The following SRPK2 variants were observed in gnomAD, a reference collection of about 807,000 sequenced individuals.
SRPK2 encodes SFRS protein kinase 2.
SRPK2 carries 21 observed loss-of-function variants against 90.8 expected under a neutral mutation model. The observed-to-expected ratio is 0.23, with a 90% CI of 0.16 to 0.33. The LOEUF (loss-of-function observed/expected upper bound fraction) is 0.33. Ranked by LOEUF, SRPK2 falls within the 10% of genes least tolerant of loss-of-function variation. The pLI is 1.00. For synonymous variants in SRPK2, 288 were observed against 311.1 expected (o/e 0.93, Z 0.78); for missense variants, 620 against 869.0 (o/e 0.71, Z 3.60).
chr7:105,388,471 C>A (rs1391000506), intron 2 of SRPK2, among the ~76,000 whole-genome samples, 177 bp downstream of exon 2: 1 of 147,356 alleles, frequency 6.8e-6, no homozygotes, highest in South Asian at 2.1e-4. Context: ...GCGCGCCCCT[C>A]CCCCGCCGCC....
intron 2 of SRPK2, among the ~76,000 whole-genome samples, chr7:105,251,392 C>T (rs1585364562): frequency 6.6e-6 from 1 of 150,546 alleles, no homozygotes; most frequent in South Asian, 2.1e-4. Flanking sequence ...TTTTTAGAGA[C>T]AGGGTCTCAC....
At chr7:105,300,455 G>A (rs1192993082) in intron 2 of SRPK2, among the ~76,000 whole-genome samples, 4 of 152,088 alleles carry the variant, frequency 2.6e-5, no homozygotes, top group Non-Finnish European at 4.4e-5. Context: ...ATAGCCACAG[G>A]AGGAATGTAT....
At chr7:105,155,083 T>G (rs1011209653) in intron 7 of SRPK2, among the ~76,000 whole-genome samples, 1 of 150,992 alleles carries the variant, frequency 6.6e-6, no homozygotes, top group Non-Finnish European at 1.5e-5. Context: ...CAAGTCCAAG[T>G]GATTCTCTTG....
chr7:105,287,178 G>A (rs371087569), intron 2 of SRPK2, among the ~76,000 whole-genome samples: 11 of 146,140 alleles, frequency 7.5e-5, no homozygotes, highest in Admixed American at 2.1e-4. Flanking sequence ...GGAGAATGGC[G>A]TGAACCCGGG....
chr7:105,257,796 ATTTAT>A (rs1404696372), intron 2 of SRPK2, among the ~76,000 whole-genome samples: 1 of 152,122 alleles, frequency 6.6e-6, no homozygotes, highest in Non-Finnish European at 1.5e-5. Flanking sequence ...AAGGTTTTAC[ATTTAT>A]TTTAAGAAAT....
chr7:105,344,138 A>G (rs1816164441), intron 2 of SRPK2, among the ~76,000 whole-genome samples: 1 of 152,150 alleles, frequency 6.6e-6, no homozygotes, highest in Admixed American at 6.6e-5. Context: ...CAAAAAGGAA[A>G]ATGGTGAACC....
chr7:105,224,940 G>A (rs1300676901), intron 2 of SRPK2, among the ~76,000 whole-genome samples: 5 of 152,146 alleles, frequency 3.3e-5, no homozygotes, highest in African/African-American at 1.2e-4. Flanking sequence ...TAAAAAAGAC[G>A]TTAAAATATT....
intron 7 of SRPK2, among the ~76,000 whole-genome samples, chr7:105,155,826 C>T (rs1465355019): frequency 2.6e-5 from 4 of 152,178 alleles, no homozygotes; most frequent in African/African-American, 4.8e-5. Flanking sequence ...AGATAAAAAA[C>T]GGAAAGGTGC....
intron 2 of SRPK2, among the ~76,000 whole-genome samples, chr7:105,285,803 C>T (rs1006980244): frequency 6.6e-6 from 1 of 152,188 alleles, no homozygotes; most frequent in Non-Finnish European, 1.5e-5. Flanking sequence ...GAAGCAGATG[C>T]TGGACCCATG....
chr7:105,163,760 G>T, intron 6 of SRPK2, among the ~76,000 whole-genome samples: 1 of 152,168 alleles, frequency 6.6e-6, no homozygotes, highest in East Asian at 1.9e-4. Flanking sequence ...GTGCTGAGCC[G>T]TGACTGCACC....
intron 2 of SRPK2, among the ~76,000 whole-genome samples, chr7:105,338,773 ACT>A (rs1296109039): frequency 6.6e-6 from 1 of 152,114 alleles, no homozygotes; most frequent in African/African-American, 2.4e-5. Flanking sequence ...GAAATATTTC[ACT>A]TTTTTCCTGT....
chr7:105,280,714 G>T (rs532512693), intron 2 of SRPK2, among the ~76,000 whole-genome samples: 1 of 150,492 alleles, frequency 6.6e-6, no homozygotes, highest in African/African-American at 2.5e-5. Flanking sequence ...TTGGGAGGCC[G>T]AGGCGGGTGG....
At chr7:105,368,977 A>C (rs1819394923) in intron 2 of SRPK2, among the ~76,000 whole-genome samples, 1 of 151,674 alleles carries the variant, frequency 6.6e-6, no homozygotes, top group African/African-American at 2.4e-5. Flanking sequence ...ATGGACTTCA[A>C]ACTGTGTTCT....
chr7:105,204,805 CG>C, intron 2 of SRPK2: 1 of 518,700 alleles, frequency 1.9e-6, no homozygotes, highest in Non-Finnish European at 3.8e-6. Flanking sequence ...ACCCAGCATG[CG>C]CCCTATTTTA....
chr7:105,362,660 T>C (rs897633686), intron 2 of SRPK2, among the ~76,000 whole-genome samples: 19 of 151,810 alleles, frequency 1.3e-4, no homozygotes, highest in African/African-American at 3.6e-4. Context: ...GATCTAGAAA[T>C]AGAAATACCA....
intron 2 of SRPK2, among the ~76,000 whole-genome samples, chr7:105,372,684 T>TA (rs1453465280): frequency 4.6e-5 from 7 of 152,226 alleles, no homozygotes; most frequent in Non-Finnish European, 1.0e-4. Context: ...AAAAAGCCTA[T>TA]AAGCTTAAGA....
At chr7:105,364,194 T>C (rs994738708) in intron 2 of SRPK2, among the ~76,000 whole-genome samples, 1 of 152,086 alleles carries the variant, frequency 6.6e-6, no homozygotes, top group African/African-American at 2.4e-5. Context: ...TAAAAAATAA[T>C]AAAATAATTT....
upstream of SRPK2, chr7:105,389,041 C>T: frequency 4.1e-6 from 4 of 970,634 alleles, no homozygotes; most frequent in Non-Finnish European, 4.9e-6. Context: ...CGCCGCGCGC[C>T]CAGCGCCCCG....
At chr7:105,222,478 C>T (rs1011232757) in intron 2 of SRPK2, among the ~76,000 whole-genome samples, 5 of 152,160 alleles carry the variant, frequency 3.3e-5, no homozygotes, top group African/African-American at 1.2e-4. Context: ...TAACTGAAGA[C>T]AATAGTCTAA....
Sources: allele counts gnomAD v4.1 joint callset (sites outside exome capture counted in the v4.1 genomes callset), GRCh38; gene constraint gnomAD v4.1.1; transcripts MANE v1.5; gene names NCBI Gene and HGNC (gene_info 2026-07-23, HGNC 2026-07-21).